Variants in MALRD1 observed in about 807,000 individuals in gnomAD.
MALRD1 encodes the protein MAM and LDL-receptor class A domain-containing protein 1.
In MALRD1, 247 loss-of-function variants were observed where a neutral mutation model predicts 242.1. The observed-to-expected ratio is 1.02, with a 90% CI of 0.92 to 1.13. The LOEUF (loss-of-function observed/expected upper bound fraction) is 1.13. Ranked by LOEUF, MALRD1 falls within the 50% of genes most tolerant of loss-of-function variation. The pLI is 0.00. For missense variants in MALRD1, 2,989 were observed against 2,533.1 expected, an observed-to-expected ratio of 1.18 and a Z score of -3.86; for synonymous variants, 995 against 866.6, an observed-to-expected ratio of 1.15 and a Z score of -2.60.
chr10:19,718,152 G>A (rs1458206495), intron 38 of MALRD1, among the ~76,000 whole-genome samples: 1 of 149,964 alleles, frequency 6.7e-6, no homozygotes, highest in Non-Finnish European at 1.5e-5. Flanking sequence ...AGGAAGAAGA[G>A]GAAGAGGAAA....
intron 38 of MALRD1, among the ~76,000 whole-genome samples, chr10:19,714,724 G>T (rs975739370): frequency 2.0e-5 from 3 of 152,054 alleles, no homozygotes; most frequent in African/African-American, 7.2e-5. Context: ...GATAAAAGAC[G>T]GGAATCAGCA....
chr10:19,727,288 AT>A (rs1245256459), intron 38 of MALRD1, among the ~76,000 whole-genome samples: 1 of 152,096 alleles, frequency 6.6e-6, no homozygotes, highest in East Asian at 1.9e-4. Flanking sequence ...TTTTTGTTTT[AT>A]TCTTTTTTTC....
At chr10:19,440,999 G>C (rs1834613178) in intron 28 of MALRD1, among the ~76,000 whole-genome samples, 1 of 151,896 alleles carries the variant, frequency 6.6e-6, no homozygotes, top group Non-Finnish European at 1.5e-5. Context: ...ATCCTCTCCA[G>C]CACCTGTTGT....
intron 33 of MALRD1, among the ~76,000 whole-genome samples, chr10:19,573,996 C>T (rs1320980053): frequency 6.6e-6 from 1 of 152,130 alleles, no homozygotes; most frequent in Admixed American, 6.5e-5. Flanking sequence ...GAAATGTCAT[C>T]ATAGGGCATC....
chr10:19,300,998 A>G (rs1335267183), intron 21 of MALRD1, among the ~76,000 whole-genome samples: 2 of 152,052 alleles, frequency 1.3e-5, no homozygotes, highest in South Asian at 2.1e-4. Context: ...TAAGGAACTT[A>G]AAGAAATCAA....
At chr10:19,492,607 T>A (rs116161099) in intron 30 of MALRD1, among the ~76,000 whole-genome samples, 5,186 of 152,214 alleles carry the variant, frequency 0.034, 164 homozygotes, top group African/African-American at 0.085. Context: ...AGCCACAGGG[T>A]GGTAAGCCAT....
At chr10:19,071,130 C>T (rs995433919) in intron 2 of MALRD1, among the ~76,000 whole-genome samples, 7 of 151,904 alleles carry the variant, frequency 4.6e-5, no homozygotes, top group African/African-American at 1.5e-4. Context: ...GGATTATAGG[C>T]GTGAGTCACC....
At chr10:19,701,891 A>T (rs1833648505) in intron 38 of MALRD1, among the ~76,000 whole-genome samples, 1 of 151,274 alleles carries the variant, frequency 6.6e-6, no homozygotes, top group Non-Finnish European at 1.5e-5. Context: ...CCTTAGAATT[A>T]GAAATCGCAG....
chr10:19,698,396 T>C (rs1196147454), intron 38 of MALRD1, among the ~76,000 whole-genome samples: 1 of 152,114 alleles, frequency 6.6e-6, no homozygotes. Context: ...CTACTAATAA[T>C]TGGGGTCAGG....
intron 31 of MALRD1, among the ~76,000 whole-genome samples, chr10:19,501,363 T>G (rs570563174): frequency 6.6e-6 from 1 of 152,238 alleles, no homozygotes; most frequent in African/African-American, 2.4e-5. Context: ...CCAAAATATC[T>G]TTAGAAATTG....
At chr10:19,519,347 G>A (rs1173696871) in intron 31 of MALRD1, among the ~76,000 whole-genome samples, 2 of 151,994 alleles carry the variant, frequency 1.3e-5, no homozygotes, top group East Asian at 1.9e-4. Context: ...TGAAGTGAAA[G>A]GAGATTTTTA....
chr10:19,337,115 T>G (rs1843646735), intron 24 of MALRD1, among the ~76,000 whole-genome samples: 1 of 152,128 alleles, frequency 6.6e-6, no homozygotes, highest in African/African-American at 2.4e-5. Context: ...CTTACACATA[T>G]GTATATGTAA....
rs1303584022 is a variant in MALRD1, at chr10:19,209,445, C to T, written c.2756C>T (p.Pro919Leu). ...GHYLYIESSEPQAFQDSAALL... is the reference protein window; with the variant it reads ...GHYLYIESSELQAFQDSAALL... ...TATCTCTACATAGAATCTTCAGAGC[C>T]ACAGGCTTTTCAAGACAGTGCTGCC... The change falls in exon 18 of 40, where the codon CCA (proline) becomes CTA (leucine). Residue 919 changes from proline (P) to leucine (L), a missense_variant. By Grantham distance (98) the Pro-to-Leu change is moderately conservative. Coordinates refer to ENST00000454679, the MANE Select transcript of MALRD1 (RefSeq NM_001142308.3). 14 of 1,550,794 alleles carry T rather than the reference C, an allele frequency of 9.0e-6. No individual in the cohort carries two copies. Among genetic ancestry groups the T allele is most frequent in the Non-Finnish European group, 1.2e-5 (14 of 1,147,076 alleles).
chr10:19,333,135 C>CTT (rs113082273), intron 24 of MALRD1, among the ~76,000 whole-genome samples: 3 of 151,082 alleles, frequency 2.0e-5, no homozygotes, highest in Non-Finnish European at 2.9e-5. Context: ...CACACCACTT[C>CTT]TTTTTAAAAA....
chr10:19,453,459 A>G (rs1422143553), intron 29 of MALRD1, among the ~76,000 whole-genome samples: 1 of 152,232 alleles, frequency 6.6e-6, no homozygotes, highest in African/African-American at 2.4e-5. Context: ...GTACAACTTC[A>G]TAAACATATT....
chr10:19,446,837 T>C (rs904511020), intron 28 of MALRD1, among the ~76,000 whole-genome samples: 46 of 152,284 alleles, frequency 3.0e-4, no homozygotes, highest in African/African-American at 1.1e-3. Flanking sequence ...CTCTGGGTAT[T>C]GAGATTAAAA....
chr10:19,686,100 A>C (rs1319280468), intron 36 of MALRD1, among the ~76,000 whole-genome samples: 1 of 152,190 alleles, frequency 6.6e-6, no homozygotes, highest in Non-Finnish European at 1.5e-5. Flanking sequence ...ACCGAGGGGC[A>C]TAAGACAGAG....
At chr10:19,504,663 C>CTTTTT (rs1564397363) in intron 31 of MALRD1, among the ~76,000 whole-genome samples, 1 of 128,698 alleles carries the variant, frequency 7.8e-6, no homozygotes, top group African/African-American at 3.2e-5. Context: ...TATTGTAACA[C>CTTTTT]ATTTTTTTTT....
At chr10:19,532,859 T>C (rs1212302522) in intron 32 of MALRD1, among the ~76,000 whole-genome samples, 1 of 152,230 alleles carries the variant, frequency 6.6e-6, no homozygotes, top group Non-Finnish European at 1.5e-5. Flanking sequence ...AAATTATTTT[T>C]CATAGTTTTT....
Sources: allele counts gnomAD v4.1 joint callset (sites outside exome capture counted in the v4.1 genomes callset), GRCh38; gene constraint gnomAD v4.1.1; transcripts MANE v1.5; gene names NCBI Gene and HGNC (gene_info 2026-07-23, HGNC 2026-07-21).